The following PCDHGA3 variants were observed in gnomAD, a reference collection of about 807,000 sequenced individuals.
PCDHGA3 encodes protocadherin gamma-A3.
PCDHGA3 carries 40 observed loss-of-function variants against 58.5 expected under a neutral mutation model. The ratio of observed to expected loss-of-function variants is 0.68; its 90% CI spans 0.53 to 0.89. The LOEUF is 0.89. Among genes scored for constraint, PCDHGA3 ranks in the 40% least tolerant of loss-of-function variants. PCDHGA3 has a pLI of 0.00. For synonymous variants in PCDHGA3, 530 were observed against 525.7 expected, an observed-to-expected ratio of 1.01 and a Z score of -0.11; for missense variants, 1,223 against 1,195.9, an observed-to-expected ratio of 1.02 and a Z score of -0.33.
chr5:141,439,012 A>G (rs968054607), intron 1 of PCDHGA3, among the ~76,000 whole-genome samples: 4 of 151,916 alleles, frequency 2.6e-5, no homozygotes, highest in South Asian at 2.1e-4. Context: ...TTTGTTTGTC[A>G]AATTTTGAAA....
At chr5:141,415,524 C>G in intron 1 of PCDHGA3, 1 of 1,614,154 alleles carries the variant, frequency 6.2e-7, no homozygotes, top group Non-Finnish European at 8.5e-7. Context: ...CGGACACGCT[C>G]ATCAGCCAGG....
chr5:141,365,362 C>T, intron 1 of PCDHGA3: 1 of 1,613,900 alleles, frequency 6.2e-7, no homozygotes, highest in East Asian at 2.2e-5. Flanking sequence ...ATGACAATGC[C>T]CCCGAAGTGA....
chr5:141,420,415 T>A, intron 1 of PCDHGA3: 1 of 1,217,296 alleles, frequency 8.2e-7, no homozygotes, highest in Non-Finnish European at 1.1e-6. Context: ...TTATCATTAT[T>A]AAAACAAAAG....
In PCDHGA3 at chr5:141,511,477, C is replaced by A; in HGVS notation, c.*304C>A. 2.1e-6 allele frequency: 1 copy of A among 482,262 alleles called. No homozygotes were observed. The allele number at this position is 482,262 out of a possible 1,614,324, so 29.9% of individuals were successfully genotyped here. A position where few individuals can be genotyped will look rare whatever the true frequency, so the allele number is the denominator to read the frequency against. On this transcript the variant is annotated 3_prime_UTR_variant, in exon 4 of 4. Coordinates refer to ENST00000253812, the MANE Select transcript of PCDHGA3 (RefSeq NM_018916.4). ...TTTGCCACACCCCGTTTAGTTACAG[C>A]TGAACTCCTCCATCTTCCAAATCAA...
rs866710706 is a variant in PCDHGA3, at chr5:141,485,167, G to A, written c.2425-9640G>A. On this transcript the variant is annotated intron_variant, in intron 1 of 3. Transcript: ENST00000253812. The surrounding 1 kb of genome is among the most constrained non-coding windows in gnomAD (Gnocchi z 5.7). ...AGGAGCAAGTAGAGAATTAGCGGGC[G>A]GCAGCAATGCTCCGCAAGGTGAGAA... The A allele has an allele frequency of 6.2e-7, 1 of 1,608,386 alleles. No homozygotes were observed.
rs1331251272 is a variant in PCDHGA3 at position 141,394,996 on chromosome 5, C to G, written c.2424+48539C>G. The G allele has an allele frequency of 3.1e-6, 5 of 1,614,034 alleles. No individual in the cohort carries two copies. In the South Asian group the frequency reaches 5.5e-5, roughly 18 times the overall value. On this transcript the variant is annotated intron_variant, in intron 1 of 3. Coordinates refer to ENST00000253812, the MANE Select transcript of PCDHGA3 (RefSeq NM_018916.4). ...CACAAGTCACGCCTGCTCCAGGATTCCGGTGGCAGATTGGTAGGCGTGCCT... is the reference window on the plus strand; with the variant it reads ...CACAAGTCACGCCTGCTCCAGGATTGCGGTGGCAGATTGGTAGGCGTGCCT...
intron 1 of PCDHGA3, chr5:141,374,738 G>C (rs1454843423): frequency 4.3e-6 from 7 of 1,611,282 alleles, no homozygotes; most frequent in East Asian, 2.2e-5. Flanking sequence ...GGATGGCGGC[G>C]ACCCTGTCCG....
intron 1 of PCDHGA3, chr5:141,430,634 C>A: frequency 1.1e-6 from 1 of 882,730 alleles, no homozygotes; most frequent in Non-Finnish European, 1.7e-6. Flanking sequence ...TGAACCATCC[C>A]TGGGAGTATG....
rs759642890 is a variant in PCDHGA3 at position 141,389,812 on chromosome 5, C to A, written c.2424+43355C>A. ...GCCGTCCGCCAGCGCCTTCTGGTCG[C>A]CGTGCGTGACGGTGGACAGCCACCA... On this transcript the variant is annotated intron_variant, in intron 1 of 3. Transcript: ENST00000253812. 6.8e-6 allele frequency: 11 copies of A among 1,613,768 alleles called. No individual in the cohort carries two copies. The South Asian group carries it at 1.2e-4, about 18-fold the overall frequency.
intron 1 of PCDHGA3, chr5:141,356,801 C>A (rs369350823): frequency 6.2e-7 from 1 of 1,614,040 alleles, no homozygotes; most frequent in Non-Finnish European, 8.5e-7. Flanking sequence ...CTGATGACAG[C>A]CAGTGACAGT....
chr5:141,365,823 G>A lies in PCDHGA3; in HGVS notation c.2424+19366G>A, dbSNP rs778220021. The stretch of plus-strand genomic sequence containing the variant: ...TCCCTGGCTGAAGACACATTTCAGG[G>A]GGCGCCCTTGTCCTCCTATGTATCC... On this transcript the variant is annotated intron_variant, in intron 1 of 3. Coordinates refer to ENST00000253812, the MANE Select transcript of PCDHGA3 (RefSeq NM_018916.4). 8.7e-6 allele frequency: 14 copies of A among 1,613,794 alleles called. No individual in the cohort carries two copies. The South Asian group carries it at 1.2e-4, about 14-fold the overall frequency.
intron 1 of PCDHGA3, among the ~76,000 whole-genome samples, chr5:141,484,740 GA>G (rs1047805396): frequency 6.6e-6 from 1 of 150,760 alleles, no homozygotes; most frequent in Non-Finnish European, 1.5e-5. Context: ...GGTGTGTTAG[GA>G]AAAAAAATGT....
chr5:141,344,788 G>C lies in PCDHGA3; in HGVS notation c.755G>C (p.Trp252Ser). ...CAGCCTGAGTACCGTGTGAGTGTTT[G>C]GGAGAACGTGCCTGTGGGTACCCGG... Reference protein sequence around the residue: ...FTQPEYRVSVWENVPVGTRLL... With the variant: ...FTQPEYRVSVSENVPVGTRLL... Residue 252 changes from tryptophan to serine, a missense_variant, in exon 1 of 4, where the codon TGG (tryptophan) becomes TCG (serine). Coordinates refer to ENST00000253812, the MANE Select transcript of PCDHGA3 (RefSeq NM_018916.4). 1.2e-6 allele frequency: 2 copies of C among 1,613,984 alleles called. No homozygotes were observed. The highest frequency in any genetic ancestry group is 2.7e-5 in the African/African-American group (2 of 75,034).
In PCDHGA3 at chr5:141,344,103, T is replaced by G. The variant is rs751569318; in HGVS notation, c.70T>G (p.Cys24Gly). ...GCTGTGCGCGCTCCTGGGGACGCTG[T>G]GCGAAACAGGATCCGGTCAGATCCG... is the stretch of plus-strand genomic sequence containing the variant. ...ALLCALLGTL[C>G]ETGSGQIRYS... The change falls in exon 1 of 4, where the codon TGC becomes GGC. Residue 24 changes from cysteine (C) to glycine (G), a missense_variant. Around this residue, in one of 3 missense-constraint regions of PCDHGA3, gnomAD observed 791 missense variants for 708.5 expected, o/e 1.12. Coordinates refer to ENST00000253812, the MANE Select transcript of PCDHGA3 (RefSeq NM_018916.4). 5 of 1,613,920 alleles carry G rather than the reference T, an allele frequency of 3.1e-6. No individual in the cohort carries two copies. The highest frequency in any genetic ancestry group is 4.2e-6 in the Non-Finnish European group (5 of 1,179,816).
rs13158033 is a variant in PCDHGA3 at position 141,367,145 on chromosome 5, T to C, written c.2424+20688T>C. The C allele has an allele frequency of 2.1e-3, 361 of 168,776 alleles. 1 individual carries two copies. The highest frequency in any genetic ancestry group is 0.012 in the Middle Eastern group (4 of 326). 10.5% of individuals were successfully genotyped at this position (168,776 alleles called of 1,614,324 possible). A position where few individuals can be genotyped will look rare whatever the true frequency, so the allele number is the denominator to read the frequency against. ...AATGTGTTTTGGAAAGGATAATGTATAGGACTGATATTTTAGTCTACCTGA... is the reference window on the plus strand; with the variant it reads ...AATGTGTTTTGGAAAGGATAATGTACAGGACTGATATTTTAGTCTACCTGA... On this transcript the variant is annotated intron_variant, in intron 1 of 3. Transcript: ENST00000253812.
chr5:141,435,883 C>A (rs1458527952), intron 1 of PCDHGA3, among the ~76,000 whole-genome samples: 1 of 152,020 alleles, frequency 6.6e-6, no homozygotes, highest in African/African-American at 2.4e-5. Flanking sequence ...GATTGGAAAC[C>A]CCTTAGAGAA....
At chr5:141,505,563 T>C in intron 3 of PCDHGA3, 82 bp downstream of exon 3, 1 of 1,603,814 alleles carries the variant, frequency 6.2e-7, no homozygotes, top group Non-Finnish European at 8.5e-7. Flanking sequence ...GCCCACGGAC[T>C]GGATGTCAAA....
chr5:141,481,877 G>A (rs535267598), intron 1 of PCDHGA3, among the ~76,000 whole-genome samples: 4 of 144,402 alleles, frequency 2.8e-5, no homozygotes, highest in African/African-American at 7.8e-5. Context: ...TCGCGCCACT[G>A]CACTCCAGCC....
chr5:141,346,283 G>A lies in PCDHGA3; in HGVS notation c.2250G>A (p.Leu750=), dbSNP rs748040438. 9 of 1,614,214 alleles carry A rather than the reference G, an allele frequency of 5.6e-6. No homozygotes were observed. Among genetic ancestry groups the A allele is most frequent in the Middle Eastern group, 1.7e-4 (1 of 6,052 alleles). The part of the protein sequence containing the change: ...FVGADGVRAF[L]QTYSHEVSLT... The stretch of plus-strand genomic sequence containing the variant: ...GCGCGGACGGGGTTCGGGCTTTCCT[G>A]CAGACCTATTCCCACGAGGTCTCCC... The change falls in exon 1 of 4, where the codon CTG becomes CTA. Residue 750 remains leucine (L), a synonymous_variant. Coordinates refer to ENST00000253812, the MANE Select transcript of PCDHGA3 (RefSeq NM_018916.4).
Sources: allele counts gnomAD v4.1 joint callset (sites outside exome capture counted in the v4.1 genomes callset), GRCh38; gene constraint gnomAD v4.1.1; regional missense constraint gnomAD v4.1.1; non-coding constraint Gnocchi (gnomAD v3.1); transcripts MANE v1.5; gene names NCBI Gene and HGNC (gene_info 2026-07-23, HGNC 2026-07-21).